UBE2E3: variants seen among roughly 807,000 people sequenced by gnomAD.
The protein encoded by UBE2E3 is ubiquitin-conjugating enzyme E2 E3.
A neutral mutation model predicts 23.6 loss-of-function variants in UBE2E3; 5 were observed. That is an observed-to-expected ratio of 0.21 (90% CI 0.11 to 0.44). UBE2E3 has a LOEUF of 0.44. Among genes scored for constraint, UBE2E3 ranks in the 20% least tolerant of loss-of-function variants. The pLI, the probability that UBE2E3 is intolerant of heterozygous loss-of-function variation, is 0.99. For synonymous variants in UBE2E3, 78 were observed against 87.5 expected, an observed-to-expected ratio of 0.89 and a Z score of 0.60; for missense variants, 81 against 249.8, an observed-to-expected ratio of 0.32 and a Z score of 4.55.
intron 3 of UBE2E3, among the ~76,000 whole-genome samples, chr2:181,047,648 TC>T (rs1381494887): frequency 6.6e-6 from 1 of 152,106 alleles, no homozygotes; most frequent in Non-Finnish European, 1.5e-5. Flanking sequence ...TTTGTTTTTT[TC>T]CTCCTAAATA....
At chr2:181,007,566 C>T (rs1685190867) in intron 3 of UBE2E3, among the ~76,000 whole-genome samples, 1 of 150,586 alleles carries the variant, frequency 6.6e-6, no homozygotes, top group Non-Finnish European at 1.5e-5. Context: ...ACATTGTTCT[C>T]TAATGAGATG....
At chr2:181,005,424 G>GCC (rs1685121570) in intron 3 of UBE2E3, among the ~76,000 whole-genome samples, 2 of 152,318 alleles carry the variant, frequency 1.3e-5, no homozygotes, top group African/African-American at 4.8e-5. Context: ...CCCAGGATAG[G>GCC]AATGGCATTA....
chr2:181,010,670 C>T (rs1685297673), intron 3 of UBE2E3, among the ~76,000 whole-genome samples: 1 of 152,112 alleles, frequency 6.6e-6, no homozygotes, highest in Admixed American at 6.6e-5. Flanking sequence ...TTTGTATAAA[C>T]AGTGTTTTCT....
chr2:181,022,551 T>C (rs1685739674), intron 3 of UBE2E3, among the ~76,000 whole-genome samples: 1 of 152,176 alleles, frequency 6.6e-6, no homozygotes, highest in East Asian at 1.9e-4. Context: ...ACTATAACCA[T>C]GCCTGAAGGA....
chr2:180,984,209 G>A (rs372379504), intron 3 of UBE2E3, 116 bp downstream of exon 3: 1 of 830,856 alleles, frequency 1.2e-6, no homozygotes, highest in African/African-American at 1.7e-5. Context: ...TTACAGCTTT[G>A]CAAGTGCATT....
intron 3 of UBE2E3, among the ~76,000 whole-genome samples, chr2:181,020,432 A>G (rs991402280): frequency 6.6e-6 from 1 of 152,142 alleles, no homozygotes; most frequent in African/African-American, 2.4e-5. Context: ...CTGTTTCCAA[A>G]TATGCTCACA....
At chr2:180,990,276 T>G (rs4666992) in intron 3 of UBE2E3, among the ~76,000 whole-genome samples, 35,049 of 151,912 alleles carry the variant, frequency 0.23, 4,361 homozygotes, top group Non-Finnish European at 0.28. Context: ...TAGACGTCAG[T>G]GGTACTGCTG....
At chr2:180,982,306 G>A (rs979445536) in intron 2 of UBE2E3, 70 bp downstream of exon 2, 29 of 1,407,688 alleles carry the variant, frequency 2.1e-5, no homozygotes, top group Non-Finnish European at 2.8e-5. Context: ...GCTTTTGTTG[G>A]TTTTACCTCA....
At chr2:181,022,873 G>A (rs1370404362) in intron 3 of UBE2E3, among the ~76,000 whole-genome samples, 5 of 152,062 alleles carry the variant, frequency 3.3e-5, no homozygotes, top group Non-Finnish European at 7.4e-5. Context: ...AAAGCCCCTA[G>A]TATTGATTTT....
rs1684311960 is a variant in UBE2E3, at chr2:180,982,033, C to T, written c.-10C>T. On this transcript the variant is annotated 5_prime_UTR_variant, in exon 2 of 6. Coordinates refer to ENST00000410062, the MANE Select transcript of UBE2E3 (RefSeq NM_006357.4). ...TCTTTAAAAGTTTTCCAAGAGATAA[C>T]TTCACCAAGATGTCCAGTGATAGGC... 6.3e-7 allele frequency: 1 copy of T among 1,598,720 alleles called. No individual in the cohort carries two copies. The highest frequency in any genetic ancestry group is 8.5e-7 in the Non-Finnish European group (1 of 1,174,892).
At chr2:180,991,719 TCTG>T (rs376186535) in intron 3 of UBE2E3, among the ~76,000 whole-genome samples, 1 of 151,860 alleles carries the variant, frequency 6.6e-6, no homozygotes, top group Non-Finnish European at 1.5e-5. Flanking sequence ...CCAAGAGAGT[TCTG>T]CTGCTGCTGC....
At chr2:180,996,616 A>G (rs1169843877) in intron 3 of UBE2E3, among the ~76,000 whole-genome samples, 1 of 152,240 alleles carries the variant, frequency 6.6e-6, no homozygotes, top group African/African-American at 2.4e-5. Context: ...TGTTCTGGCC[A>G]CCAAAACCTG....
At chr2:181,058,018 A>G (rs972781198) in intron 4 of UBE2E3, among the ~76,000 whole-genome samples, 193 bp downstream of exon 4, 1 of 151,790 alleles carries the variant, frequency 6.6e-6, no homozygotes, top group East Asian at 1.9e-4. Context: ...TAATAAACAG[A>G]AAGAGTTTAA....
Position 181,019,505 on chromosome 2 carries a change from A to G in UBE2E3, c.245+35412A>G, listed in dbSNP as rs1685606726. On this transcript the variant is annotated intron_variant, in intron 3 of 5. Transcript: ENST00000410062. ...TGTTACTTTGGAAACCACAGCATAT[A>G]TTTTATTTTGGTTTTGCATTTTGAA... Among the ~76,000 whole-genome samples, 3 of 152,162 alleles carry G rather than the reference A, an allele frequency of 2.0e-5. No individual in the cohort carries two copies. In the South Asian group the frequency reaches 6.2e-4, roughly 31 times the overall value.
intron 3 of UBE2E3, among the ~76,000 whole-genome samples, chr2:181,013,412 A>G (rs77225229): frequency 0.039 from 5,990 of 152,196 alleles, 219 homozygotes; most frequent in African/African-American, 0.094. Context: ...AGATTGGAAG[A>G]TCTATTTTCA....
At chr2:181,031,602 A>G (rs1574201574) in intron 3 of UBE2E3, among the ~76,000 whole-genome samples, 1 of 152,122 alleles carries the variant, frequency 6.6e-6, no homozygotes, top group Non-Finnish European at 1.5e-5. Flanking sequence ...CTTAACGACT[A>G]CTTTCTGTTT....
At chr2:181,024,982 T>G (rs1685838447) in intron 3 of UBE2E3, among the ~76,000 whole-genome samples, 2 of 152,020 alleles carry the variant, frequency 1.3e-5, no homozygotes, top group Admixed American at 1.3e-4. Flanking sequence ...ATGATCTGTT[T>G]TGACAGGACA....
At chr2:181,021,616 C>T (rs1685694758) in intron 3 of UBE2E3, among the ~76,000 whole-genome samples, 1 of 82,934 alleles carries the variant, frequency 1.2e-5, no homozygotes, top group South Asian at 4.6e-4. Flanking sequence ...TCCTTCCTCC[C>T]TCTCTCCCTC....
intron 3 of UBE2E3, among the ~76,000 whole-genome samples, chr2:180,989,168 C>T (rs1217761601): frequency 1.3e-5 from 2 of 151,988 alleles, no homozygotes; most frequent in African/African-American, 2.4e-5. Flanking sequence ...ATGATCAAAG[C>T]AAATTGACGT....
Sources: allele counts gnomAD v4.1 joint callset (sites outside exome capture counted in the v4.1 genomes callset), GRCh38; gene constraint gnomAD v4.1.1; transcripts MANE v1.5; gene names NCBI Gene and HGNC (gene_info 2026-07-23, HGNC 2026-07-21).